Variants in ARMC2 observed in about 807,000 individuals in gnomAD.
ARMC2 encodes the protein armadillo repeat-containing protein 2.
Under a neutral mutation model 90.3 loss-of-function variants are expected in ARMC2, and 67 were observed. That is an observed-to-expected ratio of 0.74 (90% confidence interval 0.61 to 0.91). ARMC2 has a LOEUF of 0.91. Ranked by LOEUF, ARMC2 falls within the 40% of genes least tolerant of loss-of-function variation. ARMC2 has a pLI of 0.00. For synonymous variants in ARMC2, 393 were observed against 393.0 expected (o/e 1.00, Z 0.00); for missense variants, 920 against 1,030.9 (o/e 0.89, Z 1.47).
At chr6:108,874,780 C>G (rs1247248161) in intron 4 of ARMC2, among the ~76,000 whole-genome samples, 1 of 151,766 alleles carries the variant, frequency 6.6e-6, no homozygotes, top group Non-Finnish European at 1.5e-5. Flanking sequence ...GGTCCTGGCT[C>G]TCCCTGTGAC....
chr6:109,012,616 A>G, the ARMC2 span, among the ~76,000 whole-genome samples: 1 of 152,196 alleles, frequency 6.6e-6, no homozygotes, highest in Non-Finnish European at 1.5e-5. Context: ...CACCTGAGCT[A>G]CAGCTTAGAG....
At chr6:109,008,802 C>A in the ARMC2 span, 1 of 985,404 alleles carries the variant, frequency 1.0e-6, no homozygotes. Context: ...CAAGAGTAAA[C>A]GCTGTGCATA....
At chr6:108,965,259 C>A in intron 17 of ARMC2, 119 bp downstream of exon 17, 1 of 871,448 alleles carries the variant, frequency 1.1e-6, no homozygotes. Flanking sequence ...CTATAAGCAA[C>A]AAGAGTATGT....
chr6:109,030,291 A>G, the ARMC2 span, among the ~76,000 whole-genome samples: 1 of 152,252 alleles, frequency 6.6e-6, no homozygotes, highest in African/African-American at 2.4e-5. Flanking sequence ...ATGGATCTAG[A>G]AAAGAATATC....
chr6:108,917,716 C>T (rs924378940), intron 10 of ARMC2, among the ~76,000 whole-genome samples: 5 of 152,148 alleles, frequency 3.3e-5, no homozygotes, highest in African/African-American at 9.7e-5. Context: ...GGCGCAATCT[C>T]GGCCCACTGC....
At chr6:109,045,819 C>T in the ARMC2 span, among the ~76,000 whole-genome samples, 1 of 152,168 alleles carries the variant, frequency 6.6e-6, no homozygotes, top group African/African-American at 2.4e-5. Context: ...GAGACCTTTG[C>T]CTTATCTGTT....
intron 11 of ARMC2, among the ~76,000 whole-genome samples, chr6:108,932,096 T>C (rs1300829014): frequency 2.0e-5 from 3 of 151,978 alleles, no homozygotes; most frequent in Non-Finnish European, 4.4e-5. Flanking sequence ...GTTGTTTTTC[T>C]CTTGTAAATT....
chr6:108,938,944 A>G (rs1218637262), intron 12 of ARMC2, among the ~76,000 whole-genome samples: 2 of 152,162 alleles, frequency 1.3e-5, no homozygotes, highest in African/African-American at 4.8e-5. Context: ...GGCTAAGAGT[A>G]TGCTTTTTCT....
intron 5 of ARMC2, among the ~76,000 whole-genome samples, chr6:108,878,195 T>C (rs956595582): frequency 1.3e-5 from 2 of 152,236 alleles, no homozygotes; most frequent in African/African-American, 4.8e-5. Context: ...TTGTTTCTTG[T>C]AAACATTTAA....
chr6:108,980,017 C>T, the ARMC2 span, among the ~76,000 whole-genome samples: 2 of 151,974 alleles, frequency 1.3e-5, no homozygotes, highest in South Asian at 2.1e-4. Context: ...CATTCTCCGT[C>T]CAGTTTTGTT....
chr6:108,923,577 A>G (rs767361521), intron 10 of ARMC2, among the ~76,000 whole-genome samples: 49 of 149,502 alleles, frequency 3.3e-4, no homozygotes, highest in Non-Finnish European at 5.8e-4. Flanking sequence ...ACTTGCCTTT[A>G]CTGTGACCAC....
intron 13 of ARMC2, among the ~76,000 whole-genome samples, chr6:108,959,270 T>A (rs1777815827): frequency 6.6e-6 from 1 of 152,182 alleles, no homozygotes; most frequent in Non-Finnish European, 1.5e-5. Context: ...ATAAAAAGGC[T>A]GTTCTCTTTA....
downstream of ARMC2, among the ~76,000 whole-genome samples, chr6:108,976,796 C>T (rs1479509314): frequency 2.6e-5 from 4 of 152,148 alleles, no homozygotes; most frequent in African/African-American, 9.7e-5. Context: ...CGATTTGGCT[C>T]TCTGTTTGTC....
In ARMC2 at chr6:108,862,350, AAAAAAAAAC is replaced by A. The variant is rs1280106510; in HGVS notation, c.291+4092_291+4100del. Among the ~76,000 whole-genome samples, 508 of 145,046 alleles carry A rather than the reference AAAAAAAAAC, an allele frequency of 3.5e-3. 5 individuals carry two copies. The highest frequency in any genetic ancestry group is 0.012 in the African/African-American group (473 of 39,358). On this transcript the variant is annotated intron_variant, in intron 3 of 17. Transcript: ENST00000392644. ...TAGAGTGAGACTCATCTCAAAAAAAAAAAAAAAACAAAAAAAACAAACAAAACCAAAAAG... is the reference window on the plus strand; with the variant it reads ...TAGAGTGAGACTCATCTCAAAAAAAAAAAAAAAACAAACAAAACCAAAAAG...
chr6:109,014,744 GGTGGCCTCATGCCACCC>G, the ARMC2 span, among the ~76,000 whole-genome samples: 1 of 151,878 alleles, frequency 6.6e-6, no homozygotes, highest in Non-Finnish European at 1.5e-5. Context: ...CTGGGCCTTT[GGTGGCCTCATGCCACCC>G]AAAGCCTGTT....
chr6:108,964,789 C>CA lies in ARMC2; in HGVS notation c.2286-180dup, dbSNP rs879292492. ...TGGGCAACAGAGTGAGACTCTGTCT[C>CA]AAAAAAAAAAAGGTGTAGAAGTAGA... On this transcript the variant is annotated intron_variant, in intron 16 of 17. Transcript: ENST00000392644. Among the ~76,000 whole-genome samples, 429 of 132,368 alleles carry CA rather than the reference C, an allele frequency of 3.2e-3. 1 individual carries two copies. The highest frequency in any genetic ancestry group is 0.01 in the African/African-American group (368 of 35,756). 86.8% of individuals were successfully genotyped at this position (132,368 alleles called of 152,430 possible). A position where few individuals can be genotyped will look rare whatever the true frequency, so the allele number is the denominator to read the frequency against.
At chr6:109,009,029 G>A in the ARMC2 span, 5,908 of 984,960 alleles carry the variant, frequency 6.0e-3, 33 homozygotes, top group Non-Finnish European at 6.7e-3. Context: ...GACTTGTGGA[G>A]ACTTGTCCAG....
intron 1 of ARMC2, among the ~76,000 whole-genome samples, chr6:108,853,768 A>G (rs1322423984): frequency 6.6e-6 from 1 of 152,208 alleles, no homozygotes; most frequent in Admixed American, 6.5e-5. Flanking sequence ...GGGCTGAACT[A>G]TTCTCTGAGG....
the ARMC2 span, chr6:109,001,472 C>T: frequency 3.7e-5 from 59 of 1,612,980 alleles, no homozygotes; most frequent in Non-Finnish European, 4.8e-5. Context: ...TGCGTCTTCA[C>T]TCCCCACTTG....
Sources: allele counts gnomAD v4.1 joint callset (sites outside exome capture counted in the v4.1 genomes callset), GRCh38; gene constraint gnomAD v4.1.1; transcripts MANE v1.5; gene names NCBI Gene and HGNC (gene_info 2026-07-23, HGNC 2026-07-21).